The following AGBL1 variants were observed in gnomAD, a reference collection of about 807,000 sequenced individuals.
The protein encoded by AGBL1 is AGBL carboxypeptidase 1.
AGBL1 carries 130 observed loss-of-function variants against 118.9 expected under a neutral mutation model. The ratio of observed to expected loss-of-function variants is 1.09; its 90% CI spans 0.95 to 1.26. The LOEUF is 1.26. Ranked by LOEUF, AGBL1 falls within the 50% of genes most tolerant of loss-of-function variation. The pLI is 0.00. For synonymous variants in AGBL1, 555 were observed against 478.9 expected, an observed-to-expected ratio of 1.16 and a Z score of -2.08; for missense variants, 1,584 against 1,298.1, an observed-to-expected ratio of 1.22 and a Z score of -3.38.
intron 10 of AGBL1, among the ~76,000 whole-genome samples, chr15:86,263,957 G>C (rs1193589490): frequency 1.3e-5 from 2 of 152,186 alleles, no homozygotes; most frequent in Non-Finnish European, 2.9e-5. Context: ...TTGGGGTGCA[G>C]TGAGGCCCCC....
chr15:86,456,031 G>T (rs1224071604), intron 18 of AGBL1, among the ~76,000 whole-genome samples: 3 of 152,022 alleles, frequency 2.0e-5, no homozygotes, highest in African/African-American at 7.2e-5. Flanking sequence ...TCACCTCATT[G>T]TCATTCACTT....
chr15:86,694,574 G>A (rs2086223641), intron 22 of AGBL1, among the ~76,000 whole-genome samples: 1 of 151,866 alleles, frequency 6.6e-6, no homozygotes. Context: ...TTACTGATTT[G>A]GATGCCATTT....
At chr15:86,974,415 A>C (rs2081147421) in intron 23 of AGBL1, among the ~76,000 whole-genome samples, 1 of 122,294 alleles carries the variant, frequency 8.2e-6, no homozygotes, top group African/African-American at 3.3e-5. Context: ...ATTAAATATA[A>C]ACATATTTTA....
intron 5 of AGBL1, among the ~76,000 whole-genome samples, chr15:86,220,885 A>C (rs1163133114): frequency 6.6e-6 from 1 of 152,124 alleles, no homozygotes; most frequent in Non-Finnish European, 1.5e-5. Flanking sequence ...CTAAGAAAAC[A>C]GTGCCCTCCC....
intron 5 of AGBL1, among the ~76,000 whole-genome samples, chr15:86,189,313 T>G (rs1377175719): frequency 2.0e-5 from 3 of 152,204 alleles, no homozygotes; most frequent in African/African-American, 4.8e-5. Flanking sequence ...GTAACAAGCC[T>G]GTAGACACAA....
chr15:86,755,054 A>T (rs1366405401), intron 22 of AGBL1, among the ~76,000 whole-genome samples: 1 of 152,138 alleles, frequency 6.6e-6, no homozygotes, highest in African/African-American at 2.4e-5. Context: ...GGGAAATTGC[A>T]TCATCCATAT....
At chr15:86,610,221 T>C (rs1312400464) in intron 21 of AGBL1, among the ~76,000 whole-genome samples, 1 of 152,234 alleles carries the variant, frequency 6.6e-6, no homozygotes, top group Non-Finnish European at 1.5e-5. Flanking sequence ...GGTTGTGATA[T>C]ATGTGGATAG....
At chr15:86,950,277 G>T (rs1028422071) in intron 23 of AGBL1, among the ~76,000 whole-genome samples, 2 of 150,620 alleles carry the variant, frequency 1.3e-5, no homozygotes, top group African/African-American at 4.9e-5. Context: ...GTTAAAACAA[G>T]AAAATAATAA....
chr15:86,237,913 C>T (rs2078579129), intron 6 of AGBL1, among the ~76,000 whole-genome samples: 1 of 152,174 alleles, frequency 6.6e-6, no homozygotes, highest in South Asian at 2.1e-4. Context: ...CTTTCTTCAC[C>T]TGGCTTTAGC....
At chr15:86,233,757 C>T (rs755509166) in intron 6 of AGBL1, among the ~76,000 whole-genome samples, 1 of 152,200 alleles carries the variant, frequency 6.6e-6, no homozygotes, top group African/African-American at 2.4e-5. Context: ...AAATATTGTT[C>T]TCATCCTCCA....
chr15:86,764,118 C>G (rs1489008844), intron 22 of AGBL1, among the ~76,000 whole-genome samples: 2 of 152,012 alleles, frequency 1.3e-5, no homozygotes, highest in Non-Finnish European at 2.9e-5. Context: ...TTTCTGATCT[C>G]TCTGAGGAGA....
chr15:86,670,270 G>A (rs1329374657), intron 21 of AGBL1, among the ~76,000 whole-genome samples: 1 of 151,966 alleles, frequency 6.6e-6, no homozygotes, highest in African/African-American at 2.4e-5. Context: ...ATTTTGATAT[G>A]TGCCAGTTTC....
intron 17 of AGBL1, among the ~76,000 whole-genome samples, chr15:86,300,160 T>A (rs927218820): frequency 6.6e-6 from 1 of 152,152 alleles, no homozygotes; most frequent in African/African-American, 2.4e-5. Context: ...ACTGGACTAT[T>A]ACCCAGAAAT....
At chr15:86,211,553 C>A (rs1481300577) in intron 5 of AGBL1, among the ~76,000 whole-genome samples, 3 of 152,330 alleles carry the variant, frequency 2.0e-5, no homozygotes, top group Non-Finnish European at 2.9e-5. Context: ...ATGGCGAATG[C>A]CCCTCCTCCT....
At position 86,719,636 on chromosome 15, in the gene AGBL1, C is replaced by A. The variant is rs113776008; in HGVS notation, c.3158+45200C>A. Among the ~76,000 whole-genome samples, 1,424 of 152,202 alleles carry A rather than the reference C, an allele frequency of 9.4e-3. 25 individuals carry two copies. Among genetic ancestry groups the A allele is most frequent in the African/African-American group, 0.033 (1,368 of 41,540 alleles). ...CCTTTTCCTCCCCTTGCCTTCCCCTCCCTCCCTTTCTTTGTTCCTTCTTTC... is the reference window on the plus strand; with the variant it reads ...CCTTTTCCTCCCCTTGCCTTCCCCTACCTCCCTTTCTTTGTTCCTTCTTTC... On this transcript the variant is annotated intron_variant, in intron 22 of 22. Transcript: ENST00000614907.
intron 22 of AGBL1, among the ~76,000 whole-genome samples, chr15:86,846,792 A>T (rs1043574951): frequency 6.6e-6 from 1 of 152,220 alleles, no homozygotes; most frequent in African/African-American, 2.4e-5. Context: ...TCGGCCTCCC[A>T]AAGTGCTGGG....
chr15:86,652,801 T>A (rs1447613580), intron 21 of AGBL1, among the ~76,000 whole-genome samples: 1 of 152,036 alleles, frequency 6.6e-6, no homozygotes, highest in Admixed American at 6.6e-5. Flanking sequence ...AAAGCAGTGG[T>A]TTTAAGCAGG....
intron 17 of AGBL1, among the ~76,000 whole-genome samples, chr15:86,379,284 T>C (rs1311941349): frequency 1.3e-5 from 2 of 152,176 alleles, no homozygotes; most frequent in African/African-American, 2.4e-5. Flanking sequence ...TGAAGGATAC[T>C]GCCTTACCCA....
rs1332881471 is a variant in AGBL1, at chr15:86,636,734, T to C, written c.2995-37539T>C. 1.8e-3 allele frequency among the ~76,000 whole-genome samples: 94 copies of C among 52,080 alleles called. 6 individuals are homozygous for C. In the South Asian group the frequency reaches 0.02, roughly 11 times the overall value. 34.2% of individuals were successfully genotyped at this position (52,080 alleles called of 152,430 possible). A position where few individuals can be genotyped will look rare whatever the true frequency, so the allele number is the denominator to read the frequency against. On this transcript the variant is annotated intron_variant, in intron 21 of 22. Coordinates refer to ENST00000614907, the MANE Select transcript of AGBL1 (RefSeq NM_001386094.1). ...ATATATATATATATATATATATATA[T>C]ATATATATATATATATATATATATA...
Sources: gnomAD v4.1 joint callset for allele counts (sites outside exome capture counted in the v4.1 genomes callset) on GRCh38, gnomAD v4.1.1 for gene constraint, MANE v1.5 for transcripts, NCBI Gene and HGNC (gene_info 2026-07-23, HGNC 2026-07-21) for gene names.